The following SEMA3A variants were observed in gnomAD, a reference collection of about 807,000 sequenced individuals.
SEMA3A encodes the protein semaphorin-3A.
SEMA3A carries 29 observed loss-of-function variants against 97.9 expected under a neutral mutation model. That is an observed-to-expected ratio of 0.30 (90% CI 0.22 to 0.40). The LOEUF is 0.40. Ranked by LOEUF, SEMA3A falls within the 10% of genes least tolerant of loss-of-function variation. The pLI, the probability that SEMA3A is intolerant of heterozygous loss-of-function variation, is 1.00. For synonymous variants in SEMA3A, 321 were observed against 323.7 expected, an observed-to-expected ratio of 0.99 and a Z score of 0.09; for missense variants, 763 against 951.3, an observed-to-expected ratio of 0.80 and a Z score of 2.60.
intron 12 of SEMA3A, among the ~76,000 whole-genome samples, chr7:83,992,394 C>A (rs1456513657): frequency 7.1e-6 from 1 of 141,552 alleles, no homozygotes; most frequent in South Asian, 2.4e-4. Flanking sequence ...TTTTCTAGTT[C>A]TTTTAATTGT....
chr7:84,194,441 A>C (rs1393585993), intron 1 of SEMA3A, 34 bp downstream of exon 1: 2 of 1,447,586 alleles, frequency 1.4e-6, no homozygotes, highest in Admixed American at 3.4e-5. Flanking sequence ...CGGTTATTAC[A>C]AAGCTAACCA....
chr7:84,409,035 A>C (rs960456926), intron 1 of SEMA3A, among the ~76,000 whole-genome samples: 1 of 150,016 alleles, frequency 6.7e-6, no homozygotes, highest in Admixed American at 6.7e-5. Flanking sequence ...CCTAAAACTT[A>C]AAGTATAATA....
At chr7:84,073,650 C>A (rs1039502845) in intron 4 of SEMA3A, among the ~76,000 whole-genome samples, 1 of 151,960 alleles carries the variant, frequency 6.6e-6, no homozygotes. Context: ...GATTTAGAGA[C>A]ACACAAGCCT....
chr7:84,197,908 TTTTTGTA>T (rs1351400959), upstream of SEMA3A, among the ~76,000 whole-genome samples: 7 of 151,598 alleles, frequency 4.6e-5, no homozygotes, highest in South Asian at 1.5e-3. Flanking sequence ...CCCAGCTAAT[TTTTTGTA>T]TTTTAGTAGA....
intron 3 of SEMA3A, among the ~76,000 whole-genome samples, chr7:84,200,836 T>C (rs141246859): frequency 0.012 from 1,722 of 149,400 alleles, 16 homozygotes; most frequent in Non-Finnish European, 0.015. Flanking sequence ...CCACCTCAAC[T>C]CAAATGGAAC....
At chr7:84,304,129 A>G (rs183099785) in intron 3 of SEMA3A, among the ~76,000 whole-genome samples, 1 of 152,300 alleles carries the variant, frequency 6.6e-6, no homozygotes, top group East Asian at 1.9e-4. Flanking sequence ...ATAGGGGTTC[A>G]TAAAGCATTC....
intron 3 of SEMA3A, among the ~76,000 whole-genome samples, chr7:84,223,858 A>C (rs1798933626): frequency 6.6e-6 from 1 of 151,756 alleles, no homozygotes; most frequent in African/African-American, 2.4e-5. Context: ...CCAGGAGAAA[A>C]CCTTACGGCT....
chr7:84,245,246 C>G (rs897655767), intron 3 of SEMA3A, among the ~76,000 whole-genome samples: 1 of 152,126 alleles, frequency 6.6e-6, no homozygotes. Context: ...CAGCTTTGAT[C>G]TTTTCACATA....
rs148900275 is a variant in SEMA3A, at chr7:83,981,427, G to A, written c.1546C>T (p.Arg516Trp). 1.6e-4 allele frequency: 264 copies of A among 1,613,474 alleles called. No individual in the cohort carries two copies. The highest frequency in any genetic ancestry group is 1.9e-4 in the Non-Finnish European group (230 of 1,179,676). Residue 516 changes from arginine (R) to tryptophan (W), a missense_variant, in exon 14 of 17, where the codon CGG (arginine) becomes TGG (tryptophan). Coordinates refer to ENST00000265362, the MANE Select transcript of SEMA3A (RefSeq NM_006080.3). ...TAGVAQLPLH[R>W]CDIYGKACAE... ...CACGCTTTCCCGTAAATATCACACC[G>A]GTGTAAAGGGAGCTGGGCAACCCCA...
At chr7:84,081,366 G>A (rs1039544218) in intron 4 of SEMA3A, among the ~76,000 whole-genome samples, 27 of 152,190 alleles carry the variant, frequency 1.8e-4, no homozygotes, top group Non-Finnish European at 3.7e-4. Flanking sequence ...GCCAAGGAGG[G>A]CGGATCACGA....
intron 2 of SEMA3A, among the ~76,000 whole-genome samples, chr7:84,345,482 C>T (rs757598772): frequency 1.3e-5 from 2 of 152,216 alleles, no homozygotes; most frequent in Admixed American, 6.5e-5. Flanking sequence ...ACTTTACACA[C>T]AGTAGAACTT....
At chr7:84,346,842 G>A (rs755810361) in intron 2 of SEMA3A, among the ~76,000 whole-genome samples, 7 of 152,152 alleles carry the variant, frequency 4.6e-5, no homozygotes, top group Non-Finnish European at 8.8e-5. Flanking sequence ...GTTGCTTAAC[G>A]CAGGGTTGCC....
chr7:84,037,052 G>A (rs1348045267), intron 6 of SEMA3A, among the ~76,000 whole-genome samples: 1 of 151,902 alleles, frequency 6.6e-6, no homozygotes, highest in Non-Finnish European at 1.5e-5. Flanking sequence ...ATCTCATCAG[G>A]AAATTATTAT....
chr7:84,263,608 T>C (rs1417332496), intron 3 of SEMA3A, among the ~76,000 whole-genome samples: 1 of 152,246 alleles, frequency 6.6e-6, no homozygotes, highest in Non-Finnish European at 1.5e-5. Context: ...GTCAATGCCA[T>C]ATAAGCATTT....
intron 1 of SEMA3A, among the ~76,000 whole-genome samples, chr7:84,140,089 CATGT>C (rs766873813): frequency 5.3e-5 from 8 of 152,134 alleles, no homozygotes; most frequent in Admixed American, 2.0e-4. Flanking sequence ...TCTTCTCATG[CATGT>C]GTTTTGTTAA....
At chr7:84,346,055 T>C (rs1802292660) in intron 2 of SEMA3A, among the ~76,000 whole-genome samples, 2 of 152,232 alleles carry the variant, frequency 1.3e-5, no homozygotes, top group South Asian at 2.1e-4. Context: ...CTGCAGCTTT[T>C]ACGTCAGCAC....
intron 7 of SEMA3A, among the ~76,000 whole-genome samples, chr7:84,011,541 T>A (rs530823870): frequency 1.5e-4 from 23 of 152,286 alleles, no homozygotes; most frequent in African/African-American, 5.5e-4. Flanking sequence ...CTTTATTTAT[T>A]CAAGGGATTA....
At position 84,185,053 on chromosome 7, in the gene SEMA3A, C is replaced by T. The variant is rs981558196; in HGVS notation, c.112+9422G>A. ...ATCCTTTATTCTTGTGCTCTAATAA[C>T]TGGTGTTTTAATTTCAGTAATTCCC... On this transcript the variant is annotated intron_variant, in intron 1 of 16. Transcript: ENST00000265362. Among the ~76,000 whole-genome samples the T allele has an allele frequency of 9.9e-5, 15 of 152,110 alleles. No individual in the cohort carries two copies. In the South Asian group the frequency reaches 1.5e-3, roughly 15 times the overall value.
rs910028970 is a variant in SEMA3A at position 84,037,746 on chromosome 7, CTA to C, written c.667+8576_667+8577del. Among the ~76,000 whole-genome samples, 216 of 151,872 alleles carry C rather than the reference CTA, an allele frequency of 1.4e-3. 1 individual carries two copies. The highest frequency in any genetic ancestry group is 4.6e-3 in the African/African-American group (191 of 41,452). On this transcript the variant is annotated intron_variant, in intron 6 of 16. Coordinates refer to ENST00000265362, the MANE Select transcript of SEMA3A (RefSeq NM_006080.3). ...TATGATTTATTTTAAAAGTATAACT[CTA>C]TTTTTGAATAGATTTTTAAAGTAAT...
Sources: allele counts gnomAD v4.1 joint callset (sites outside exome capture counted in the v4.1 genomes callset), GRCh38; gene constraint gnomAD v4.1.1; transcripts MANE v1.5; gene names NCBI Gene and HGNC (gene_info 2026-07-23, HGNC 2026-07-21).